SPATA31H1: variants seen among roughly 807,000 people sequenced by gnomAD.
SPATA31H1 encodes the protein SPATA31 subfamily H member 1.
chr2:27,544,940 A>T, the SPATA31H1 span, among the ~76,000 whole-genome samples: 2 of 151,842 alleles, frequency 1.3e-5, no homozygotes, highest in African/African-American at 4.9e-5. Flanking sequence ...AAATTTAACT[A>T]CCTATTGTGG....
chr2:27,566,753 G>A, the SPATA31H1 span: 1 of 707,222 alleles, frequency 1.4e-6, no homozygotes, highest in Non-Finnish European at 2.6e-6. Flanking sequence ...TTGTGGAACA[G>A]GATTTGCCTG....
the SPATA31H1 span, among the ~76,000 whole-genome samples, chr2:27,552,946 C>G: frequency 6.6e-6 from 1 of 151,980 alleles, no homozygotes; most frequent in East Asian, 1.9e-4. Flanking sequence ...TTACTTGTTC[C>G]TTTCTAATTT....
At chr2:27,572,506 T>C in the SPATA31H1 span, 1 of 398,410 alleles carries the variant, frequency 2.5e-6, no homozygotes, top group Non-Finnish European at 4.4e-6. Context: ...GCAAAACCTA[T>C]GGAGTTTAAC....
chr2:27,550,504 C>T, the SPATA31H1 span, among the ~76,000 whole-genome samples: 5 of 149,176 alleles, frequency 3.4e-5, no homozygotes, highest in South Asian at 4.3e-4. Context: ...CTGCAACCTC[C>T]GCCTCCTGGG....
At chr2:27,579,563 AAAG>A in the SPATA31H1 span, 3 of 1,614,234 alleles carry the variant, frequency 1.9e-6, no homozygotes, top group Non-Finnish European at 2.5e-6. Flanking sequence ...GAGTGAGAAT[AAAG>A]AAGACAAACT....
chr2:27,578,594 A>G, the SPATA31H1 span: 1 of 1,613,954 alleles, frequency 6.2e-7, no homozygotes, highest in South Asian at 1.1e-5. Flanking sequence ...AGGAACATAC[A>G]ATATTGACTC....
chr2:27,542,871 CG>C, the SPATA31H1 span, among the ~76,000 whole-genome samples: 2 of 151,846 alleles, frequency 1.3e-5, no homozygotes, highest in Non-Finnish European at 2.9e-5. Context: ...CTGAGGCAGG[CG>C]GATCACCTGA....
At chr2:27,539,564 C>T in the SPATA31H1 span, among the ~76,000 whole-genome samples, 1 of 119,566 alleles carries the variant, frequency 8.4e-6, no homozygotes, top group Non-Finnish European at 1.7e-5. Context: ...TTTTTCCCCA[C>T]TCTTCCCGCC....
At chr2:27,544,939 T>C in the SPATA31H1 span, among the ~76,000 whole-genome samples, 1 of 152,000 alleles carries the variant, frequency 6.6e-6, no homozygotes, top group South Asian at 2.1e-4. Flanking sequence ...GAAATTTAAC[T>C]ACCTATTGTG....
At chr2:27,559,568 A>G in the SPATA31H1 span, among the ~76,000 whole-genome samples, 1 of 152,182 alleles carries the variant, frequency 6.6e-6, no homozygotes, top group Non-Finnish European at 1.5e-5. Flanking sequence ...AACCATTACT[A>G]TAAATTGAAA....
At chr2:27,548,744 A>C in the SPATA31H1 span, among the ~76,000 whole-genome samples, 1 of 151,392 alleles carries the variant, frequency 6.6e-6, no homozygotes, top group Non-Finnish European at 1.5e-5. Context: ...CTCCATCTTC[A>C]TTTCTTTATT....
At chr2:27,572,366 A>G in the SPATA31H1 span, 1 of 398,338 alleles carries the variant, frequency 2.5e-6, no homozygotes, top group African/African-American at 2.1e-5. Context: ...CTGAGTTCCA[A>G]GGTCTAAAAT....
the SPATA31H1 span, among the ~76,000 whole-genome samples, chr2:27,556,515 A>G: frequency 6.6e-6 from 1 of 151,160 alleles, no homozygotes; most frequent in Non-Finnish European, 1.5e-5. Context: ...ATGCTTCATT[A>G]TGGATATTTT....
chr2:27,579,441 A>G, the SPATA31H1 span: 17 of 1,614,112 alleles, frequency 1.1e-5, no homozygotes, highest in African/African-American at 1.1e-4. Flanking sequence ...TTCTGTGGTC[A>G]AAAACTATAT....
chr2:27,569,154 G>T, the SPATA31H1 span: 1 of 398,966 alleles, frequency 2.5e-6, no homozygotes, highest in South Asian at 1.3e-4. Flanking sequence ...AGCAATGGGG[G>T]AAACTCCAGT....
the SPATA31H1 span, chr2:27,570,393 T>C: frequency 2.5e-6 from 1 of 398,926 alleles, no homozygotes; most frequent in Middle Eastern, 6.3e-4. Flanking sequence ...TATCAAATTT[T>C]CTGAATTGAC....
At chr2:27,582,407 C>T in the SPATA31H1 span, 6 of 1,614,178 alleles carry the variant, frequency 3.7e-6, no homozygotes, top group South Asian at 4.4e-5. Context: ...AGTACAGTTT[C>T]CCTGGAGAGA....
the SPATA31H1 span, chr2:27,582,131 C>G: frequency 6.2e-7 from 1 of 1,611,266 alleles, no homozygotes; most frequent in Non-Finnish European, 8.5e-7. Flanking sequence ...AGAAGAGCCA[C>G]CTCAGTCCCT....
the SPATA31H1 span, chr2:27,567,639 C>A: frequency 2.5e-6 from 1 of 401,504 alleles, no homozygotes; most frequent in Middle Eastern, 6.3e-4. Flanking sequence ...GGGCAGTCTA[C>A]CTCCAAGAAG....
Sources: gnomAD v4.1 joint callset for allele counts (sites outside exome capture counted in the v4.1 genomes callset) on GRCh38, gnomAD v4.1.1 for gene constraint, MANE v1.5 for transcripts, NCBI Gene and HGNC (gene_info 2026-07-23, HGNC 2026-07-21) for gene names.